The following TMEM230 variants were observed in gnomAD, a reference collection of about 807,000 sequenced individuals.
The protein encoded by TMEM230 is transmembrane protein 230, also known as UPF0414 transmembrane protein C20orf30.
TMEM230 carries 10 observed loss-of-function variants against 15.8 expected under a neutral mutation model. The observed-to-expected ratio is 0.63, with a 90% CI of 0.39 to 1.07. The LOEUF is 1.07. TMEM230 is among the 50% of genes least tolerant of loss of function. The pLI is 0.01. For synonymous variants in TMEM230, 67 were observed against 76.9 expected (o/e 0.87, Z 0.68); for missense variants, 165 against 193.3 (o/e 0.85, Z 0.87).
At chr20:5,103,131 G>C (rs977542463) in intron 4 of TMEM230, among the ~76,000 whole-genome samples, 1 of 152,142 alleles carries the variant, frequency 6.6e-6, no homozygotes, top group Non-Finnish European at 1.5e-5. Flanking sequence ...TGGGAGGCTA[G>C]GGTGGGCCTC....
intron 3 of TMEM230, among the ~76,000 whole-genome samples, chr20:5,081,234 C>T (rs903789261): frequency 6.6e-6 from 1 of 152,202 alleles, no homozygotes; most frequent in Non-Finnish European, 1.5e-5. Flanking sequence ...CTTATCCCCT[C>T]CCCTAGAAGC....
chr20:5,066,670 CAA>C (rs71332869), downstream of TMEM230, among the ~76,000 whole-genome samples: 32 of 90,748 alleles, frequency 3.5e-4, no homozygotes, highest in East Asian at 3.6e-4. Context: ...GACTCTGTCT[CAA>C]AAAAAAAAAA....
chr20:5,107,717 G>C (rs941555485), intron 3 of TMEM230, among the ~76,000 whole-genome samples: 2 of 151,860 alleles, frequency 1.3e-5, no homozygotes, highest in African/African-American at 4.8e-5. Context: ...AGGAGGCTGA[G>C]GTGAAAAGAC....
intron 3 of TMEM230, among the ~76,000 whole-genome samples, chr20:5,080,213 G>GA (rs2089139474): frequency 6.6e-6 from 1 of 152,076 alleles, no homozygotes; most frequent in Admixed American, 6.6e-5. Flanking sequence ...ACAGCTTTTT[G>GA]AAAAAATCTC....
At chr20:5,093,981 T>C (rs934011022) in intron 3 of TMEM230, among the ~76,000 whole-genome samples, 12 of 150,946 alleles carry the variant, frequency 7.9e-5, no homozygotes, top group African/African-American at 2.9e-4. Flanking sequence ...TGAGATGGAG[T>C]CTCGCTCTGT....
chr20:5,062,426 G>A, the TMEM230 span, among the ~76,000 whole-genome samples: 3 of 150,948 alleles, frequency 2.0e-5, no homozygotes, highest in African/African-American at 7.3e-5. Flanking sequence ...AGACCTGGAT[G>A]CCCATGGTAA....
At chr20:5,064,715 ACT>A (rs1488404138), downstream of TMEM230, among the ~76,000 whole-genome samples, 2 of 152,176 alleles carry the variant, frequency 1.3e-5, no homozygotes, top group Non-Finnish European at 2.9e-5. Flanking sequence ...TGAAAACAAA[ACT>A]CAATAATAAA....
downstream of TMEM230, among the ~76,000 whole-genome samples, chr20:5,096,422 C>T (rs115341670): frequency 0.013 from 1,987 of 152,278 alleles, 47 homozygotes; most frequent in African/African-American, 0.046. Context: ...GGCCAGGAGC[C>T]TATGGGACTG....
At chr20:5,086,538 C>CAAAAAA (rs542162305) in intron 3 of TMEM230, among the ~76,000 whole-genome samples, 2 of 89,042 alleles carry the variant, frequency 2.2e-5, no homozygotes, top group African/African-American at 8.7e-5. Flanking sequence ...GACTCTGTCT[C>CAAAAAA]AAAAAAAAAA....
chr20:5,088,422 G>A (rs2089417109), intron 3 of TMEM230, among the ~76,000 whole-genome samples: 1 of 152,034 alleles, frequency 6.6e-6, no homozygotes, highest in Non-Finnish European at 1.5e-5. Flanking sequence ...AAATGAAGCT[G>A]TGTTCGTGTC....
At chr20:5,102,688 C>CAAAAAAAA (rs58106156) in intron 4 of TMEM230, among the ~76,000 whole-genome samples, 3 of 83,020 alleles carry the variant, frequency 3.6e-5, no homozygotes, top group African/African-American at 3.7e-5. Context: ...GACCCTGTCT[C>CAAAAAAAA]AAAAAAAAAA....
downstream of TMEM230, among the ~76,000 whole-genome samples, chr20:5,095,596 C>G (rs1320484112): frequency 1.3e-5 from 2 of 152,184 alleles, no homozygotes; most frequent in Non-Finnish European, 2.9e-5. Context: ...AGTGCCCCCA[C>G]ACCCAGGGCC....
the TMEM230 span, among the ~76,000 whole-genome samples, chr20:5,059,193 T>A: frequency 5.1e-3 from 783 of 152,202 alleles, 11 homozygotes; most frequent in African/African-American, 0.018. Context: ...AGACAGGTTT[T>A]GTTCTGTTGC....
intron 3 of TMEM230, among the ~76,000 whole-genome samples, chr20:5,086,749 G>T (rs2089349327): frequency 6.6e-6 from 1 of 151,022 alleles, no homozygotes; most frequent in Non-Finnish European, 1.5e-5. Context: ...GCTCAGAGTG[G>T]AGTACAGTGG....
intron 3 of TMEM230, among the ~76,000 whole-genome samples, chr20:5,078,702 G>A (rs1600288443): frequency 1.3e-5 from 2 of 152,258 alleles, no homozygotes; most frequent in South Asian, 4.1e-4. Context: ...ACATTTCCTC[G>A]CCAAGGCAAG....
At chr20:5,086,839 A>G (rs1303257958) in intron 3 of TMEM230, among the ~76,000 whole-genome samples, 1 of 151,714 alleles carries the variant, frequency 6.6e-6, no homozygotes, top group Non-Finnish European at 1.5e-5. Flanking sequence ...AGCTGGGACT[A>G]CAGATGCACA....
chr20:5,102,070 A>C (rs1170381863), intron 4 of TMEM230, among the ~76,000 whole-genome samples: 1 of 152,228 alleles, frequency 6.6e-6, no homozygotes, highest in African/African-American at 2.4e-5. Context: ...GTTCCAAACT[A>C]TGACAGGGCA....
intron 4 of TMEM230, 63 bp downstream of exon 3, chr20:5,106,125 A>C (rs1439226800): frequency 6.4e-7 from 1 of 1,561,750 alleles, no homozygotes; most frequent in African/African-American, 1.4e-5. Flanking sequence ...ACACACGCAC[A>C]CTAGAGCCTT....
At chr20:5,092,587 A>T (rs1234105626) in intron 3 of TMEM230, among the ~76,000 whole-genome samples, 1 of 152,056 alleles carries the variant, frequency 6.6e-6, no homozygotes, top group African/African-American at 2.4e-5. Flanking sequence ...GTGGTGGCAC[A>T]TGCCTGTAAT....
Sources: allele counts gnomAD v4.1 joint callset (sites outside exome capture counted in the v4.1 genomes callset), GRCh38; gene constraint gnomAD v4.1.1; transcripts MANE v1.5; gene names NCBI Gene and HGNC (gene_info 2026-07-23, HGNC 2026-07-21).